MYLK: variants seen among roughly 807,000 people sequenced by gnomAD.
The protein encoded by MYLK is myosin light chain kinase, smooth muscle.
Under a neutral mutation model 203.4 loss-of-function variants are expected in MYLK, and 106 were observed. The observed-to-expected ratio is 0.52, with a 90% CI of 0.45 to 0.61. The LOEUF (loss-of-function observed/expected upper bound fraction) is 0.61, where lower values mean the gene tolerates loss of function less well. Among genes scored for constraint, MYLK ranks in the 20% least tolerant of loss-of-function variants. MYLK has a pLI of 0.00. For synonymous variants in MYLK, 867 were observed against 959.5 expected, an observed-to-expected ratio of 0.90 and a Z score of 1.78; for missense variants, 2,072 against 2,442.3, an observed-to-expected ratio of 0.85 and a Z score of 3.20.
intron 2 of MYLK, among the ~76,000 whole-genome samples, chr3:123,837,773 G>C (rs1236789693): frequency 6.6e-6 from 1 of 151,754 alleles, no homozygotes; most frequent in Non-Finnish European, 1.5e-5. Flanking sequence ...TATGGATTAA[G>C]GATGGCTTCA....
chr3:123,881,704 T>G (rs763062266), intron 1 of MYLK, among the ~76,000 whole-genome samples: 2 of 152,170 alleles, frequency 1.3e-5, no homozygotes, highest in Admixed American at 6.5e-5. Flanking sequence ...TTTCAAACTC[T>G]AGGCTCATCT....
In MYLK at chr3:123,640,605, G is replaced by A; in HGVS notation, c.4620-101C>T. 1 of 1,255,018 alleles carries A rather than the reference G, an allele frequency of 8.0e-7. No individual in the cohort carries two copies. The highest frequency in any genetic ancestry group is 1.2e-5 in the South Asian group (1 of 81,396). The allele number at this position is 1,255,018 out of a possible 1,614,324, so 77.7% of individuals were successfully genotyped here. A position where few individuals can be genotyped will look rare whatever the true frequency, so the allele number is the denominator to read the frequency against. ...AGGCTGGGGGTAGGAGAAATTGGCA[G>A]GAAAGCCCAGGGAATGGGGGTGATG... is the stretch of plus-strand genomic sequence containing the variant. On this transcript the variant is annotated intron_variant, in intron 27 of 33. Coordinates refer to ENST00000360304, the MANE Select transcript of MYLK (RefSeq NM_053025.4). The surrounding 1 kb of genome is among the most constrained non-coding windows in gnomAD (Gnocchi z 4.3).
At chr3:123,627,797 G>A (rs1045342085) in intron 30 of MYLK, among the ~76,000 whole-genome samples, 8 of 151,840 alleles carry the variant, frequency 5.3e-5, no homozygotes, top group Non-Finnish European at 2.9e-5. Flanking sequence ...AGAGAGGCTG[G>A]GTATAAGAGT....
intron 4 of MYLK, among the ~76,000 whole-genome samples, chr3:123,767,161 GC>G (rs1289625310): frequency 6.6e-6 from 1 of 152,170 alleles, no homozygotes; most frequent in Non-Finnish European, 1.5e-5. Flanking sequence ...GGAAGAATTG[GC>G]GGGGGCTGGG....
rs764805187 is a variant in MYLK at position 123,618,735 on chromosome 3, C to G, written c.5404G>C (p.Glu1802Gln). ...VSQAFLEAVA[E>Q]EKPHVKPYFS... The stretch of plus-strand genomic sequence containing the variant: ...TAGGGTTTTACATGAGGCTTTTCCT[C>G]AGCAACAGCCTCAAGGAAAGCTTGG... The change falls in exon 33 of 34, where the codon GAG (glutamate) becomes CAG (glutamine). Residue 1802 changes from glutamate (E) to glutamine (Q), a missense_variant. Physicochemically the swap from Glu to Gln is conservative, Grantham distance 29. This residue lies in a region of MYLK where 524 missense variants were observed against 782.4 expected (regional missense o/e 0.67). Coordinates refer to ENST00000360304, the MANE Select transcript of MYLK (RefSeq NM_053025.4). The G allele has an allele frequency of 1.2e-6, 2 of 1,614,010 alleles. No individual in the cohort carries two copies. The highest frequency in any genetic ancestry group is 1.7e-6 in the Non-Finnish European group (2 of 1,180,008).
chr3:123,789,630 T>C (rs551587949), intron 4 of MYLK, among the ~76,000 whole-genome samples: 7 of 134,162 alleles, frequency 5.2e-5, no homozygotes, highest in South Asian at 2.3e-4. Context: ...CCTGAAAATA[T>C]AGTCTCCTCA....
chr3:123,691,433 T>C (rs1480018323), intron 19 of MYLK: 1 of 152,186 alleles, frequency 6.6e-6, no homozygotes, highest in Non-Finnish European at 1.5e-5. Flanking sequence ...ATAGCACATA[T>C]ACGCACGATC....
In MYLK at chr3:123,761,765, C is replaced by T. The variant is rs186665021; in HGVS notation, c.166-9227G>A. 5.3e-5 allele frequency among the ~76,000 whole-genome samples: 8 copies of T among 152,308 alleles called. No individual in the cohort carries two copies. The South Asian group carries it at 8.3e-4, about 16-fold the overall frequency. On this transcript the variant is annotated intron_variant, in intron 4 of 33. Transcript: ENST00000360304. ...TCTCGGCCAGACGCAGTAGCTCACG[C>T]CTGTAATCCCAGCATTTTGGGAGGC...
chr3:123,725,114 C>T lies in MYLK; in HGVS notation c.1651+830G>A, dbSNP rs139067239. On this transcript the variant is annotated intron_variant, in intron 12 of 33. Transcript: ENST00000360304. ...GAGATCCCAAACCTTCTTTTCCACC[C>T]TATCTTCTCATAGATAAAGAAGCTG... Among the ~76,000 whole-genome samples, 548 of 152,248 alleles carry T rather than the reference C, an allele frequency of 3.6e-3. 2 individuals are homozygous for T. The highest frequency in any genetic ancestry group is 0.012 in the African/African-American group (517 of 41,526).
intron 4 of MYLK, among the ~76,000 whole-genome samples, chr3:123,780,938 C>T (rs978424268): frequency 1.3e-5 from 2 of 152,196 alleles, no homozygotes; most frequent in African/African-American, 4.8e-5. Context: ...CAGGGTGATT[C>T]AGCAGGAAAG....
At chr3:123,694,560 G>C (rs750503845) in intron 18 of MYLK, among the ~76,000 whole-genome samples, 21 of 152,190 alleles carry the variant, frequency 1.4e-4, no homozygotes, top group Non-Finnish European at 2.6e-4. Flanking sequence ...TCAGGGTGGG[G>C]CTAAGGCTTT....
At chr3:123,764,890 T>G (rs2063653425) in intron 4 of MYLK, among the ~76,000 whole-genome samples, 1 of 152,210 alleles carries the variant, frequency 6.6e-6, no homozygotes, top group Admixed American at 6.5e-5. Flanking sequence ...GTCAGAAGAC[T>G]GAAACCCAAC....
At chr3:123,659,643 T>G (rs368753455) in intron 23 of MYLK, 30 of 516,584 alleles carry the variant, frequency 5.8e-5, no homozygotes, top group African/African-American at 5.6e-4. Flanking sequence ...CTTTCTAAGC[T>G]ATGAGCCCCA....
In MYLK at chr3:123,640,070, CTG is replaced by C. The variant is rs2108107542; in HGVS notation, c.4837+215_4837+216del. Among the ~76,000 whole-genome samples the C allele has an allele frequency of 6.6e-6, 1 of 152,212 alleles. No homozygotes were observed. The highest frequency in any genetic ancestry group is 2.1e-4 in the South Asian group (1 of 4,816). On this transcript the variant is annotated intron_variant, in intron 28 of 33. Coordinates refer to ENST00000360304, the MANE Select transcript of MYLK (RefSeq NM_053025.4). This position sits in a 1 kb window ranked among gnomAD's most constrained non-coding sequence, Gnocchi z 4.3. ...AACACATTTGATCCTCCTAACAAATCTGTGAGTTAGGTCCTACTATGATCCCA... is the reference window on the plus strand; with the variant it reads ...AACACATTTGATCCTCCTAACAAATCTGAGTTAGGTCCTACTATGATCCCA...
At chr3:123,825,872 C>T (rs1308410087) in intron 3 of MYLK, among the ~76,000 whole-genome samples, 2 of 152,238 alleles carry the variant, frequency 1.3e-5, no homozygotes, top group Non-Finnish European at 2.9e-5. Flanking sequence ...GAAAACCCAC[C>T]CTTGAGCCAG....
At chr3:123,734,374 G>T in intron 9 of MYLK, 152 bp from the exon 10 acceptor site, 1 of 762,252 alleles carries the variant, frequency 1.3e-6, no homozygotes, top group Non-Finnish European at 2.0e-6. Flanking sequence ...ATCTTTCTCT[G>T]CAGTTTGCCC....
At chr3:123,829,619 T>A (rs1466879786) in intron 3 of MYLK, among the ~76,000 whole-genome samples, 4 of 152,120 alleles carry the variant, frequency 2.6e-5, no homozygotes, top group Non-Finnish European at 5.9e-5. Flanking sequence ...CATAAAGAAA[T>A]GATAAATGTT....
chr3:123,656,046 C>T (rs372575356), intron 24 of MYLK, among the ~76,000 whole-genome samples: 2 of 152,328 alleles, frequency 1.3e-5, no homozygotes. Context: ...CCTCCTGAGG[C>T]TTGAAGTTCG....
chr3:123,716,525 G>T (rs548646554), intron 13 of MYLK: 1 of 152,320 alleles, frequency 6.6e-6, no homozygotes, highest in South Asian at 2.1e-4. Flanking sequence ...TCTCTGACCA[G>T]TAATGATAGG....
Sources: allele counts gnomAD v4.1 joint callset (sites outside exome capture counted in the v4.1 genomes callset), GRCh38; gene constraint gnomAD v4.1.1; regional missense constraint gnomAD v4.1.1; non-coding constraint Gnocchi (gnomAD v3.1); transcripts MANE v1.5; gene names NCBI Gene and HGNC (gene_info 2026-07-23, HGNC 2026-07-21).